The following SYCE1 variants were observed in gnomAD, a reference collection of about 807,000 sequenced individuals.
SYCE1 encodes synaptonemal complex central element protein 1.
A neutral mutation model predicts 55.1 loss-of-function variants in SYCE1; 37 were observed. The ratio of observed to expected loss-of-function variants is 0.67; its 90% confidence interval spans 0.52 to 0.88. The LOEUF (loss-of-function observed/expected upper bound fraction) is 0.88, where lower values mean the gene tolerates loss of function less well. SYCE1 is among the 40% of genes least tolerant of loss of function. The pLI is 0.00. For missense variants in SYCE1, 399 were observed against 416.4 expected, an observed-to-expected ratio of 0.96 and a Z score of 0.36; for synonymous variants, 163 against 159.4, an observed-to-expected ratio of 1.02 and a Z score of -0.17.
Position 133,557,458 on chromosome 10 carries a change from G to A in SYCE1, c.375-302C>T, listed in dbSNP as rs1851713863. On this transcript the variant is annotated intron_variant, in intron 6 of 12. Transcript: ENST00000343131. ...GGGCCTGGGGCCTCTGGTAACAAATGAGCTAAATCAGGAGGTGGAGAAATG... is the reference window on the plus strand; with the variant it reads ...GGGCCTGGGGCCTCTGGTAACAAATAAGCTAAATCAGGAGGTGGAGAAATG... 5 of 499,806 alleles carry A rather than the reference G, an allele frequency of 1.0e-5. No homozygotes were observed. In the East Asian group the frequency reaches 1.8e-4, roughly 18 times the overall value. The allele number at this position is 499,806 out of a possible 1,614,324, so 31.0% of individuals were successfully genotyped here.
chr10:133,554,786 C>T (rs117862014), downstream of SYCE1: 47,928 of 1,471,352 alleles, frequency 0.033, 952 homozygotes, highest in Non-Finnish European at 0.038. Context: ...GGGCCTGCAT[C>T]CCTCTGCCTG....
chr10:133,553,971 T>C (rs1851587335), downstream of SYCE1: 1 of 235,042 alleles, frequency 4.3e-6, no homozygotes, highest in Non-Finnish European at 8.2e-6. Flanking sequence ...AGGCCTTTTA[T>C]TCATTAACTG....
At chr10:133,567,531 C>T (rs985043927), upstream of SYCE1, among the ~76,000 whole-genome samples, 4 of 151,950 alleles carry the variant, frequency 2.6e-5, no homozygotes, top group African/African-American at 7.3e-5. Context: ...CTGTGAGATC[C>T]ACTCTTCTGG....
intron 2 of SYCE1, chr10:133,559,766 GCA>G (rs202223672): frequency 2.7e-6 from 1 of 368,580 alleles, no homozygotes; most frequent in Non-Finnish European, 5.1e-6. Flanking sequence ...AGCCTAGCGA[GCA>G]AAGAGGGAGT....
At chr10:133,568,115 G>T, upstream of SYCE1, 2 of 751,378 alleles carry the variant, frequency 2.7e-6, no homozygotes, top group Non-Finnish European at 4.6e-6. Flanking sequence ...CAGCCCCAGG[G>T]CACTGAGGGC....
chr10:133,556,074 A>G (rs1454711498), intron 8 of SYCE1, 27 bp from the exon 9 acceptor site: 2 of 1,610,142 alleles, frequency 1.2e-6, no homozygotes, highest in East Asian at 2.2e-5. Context: ...AGGCCTGTCC[A>G]CTCCTCTTGG....
chr10:133,566,451 G>C (rs941028097), upstream of SYCE1, among the ~76,000 whole-genome samples: 12 of 152,040 alleles, frequency 7.9e-5, no homozygotes, highest in East Asian at 1.7e-3. Context: ...TAGGGTTTAG[G>C]GGTTAGAAGT....
In SYCE1 at chr10:133,565,526, C is replaced by A. The variant is rs1388343404; in HGVS notation, c.4G>T (p.Ala2Ser). The change falls in exon 1 of 13, where the codon GCG becomes TCG. Residue 2 changes from alanine (A) to serine (S), a missense_variant. Physicochemically the swap from Ala to Ser is moderately conservative, Grantham distance 99. Transcript: ENST00000343131. ...GCCTTCGATGTCAGGGACCTCCCCG[C>A]CATTTCCTCTCAGCTCGCCAGCGAG... M[A>S]GRSLTSKAEP... The A allele has an allele frequency of 4.5e-6, 7 of 1,549,822 alleles. No homozygotes were observed. The East Asian group carries it at 1.2e-4, about 27-fold the overall frequency.
rs1851694370 is a variant in SYCE1, at chr10:133,556,787, C to G, written c.500G>C (p.Gly167Ala). The G allele has an allele frequency of 1.3e-6, 2 of 1,573,538 alleles. No individual in the cohort carries two copies. Among genetic ancestry groups the G allele is most frequent in the Non-Finnish European group, 1.7e-6 (2 of 1,159,400 alleles). ...GAAGTCCCAGAGGTCCTTGTGCTGG[C>G]CCATCAGATCTTCCAGCTGTTCCTC... ...AFEEQLEDLM[G>A]QHKDLWDFHM... The change falls in exon 8 of 13, where the codon GGC becomes GCC. Residue 167 changes from glycine (G) to alanine (A), a missense_variant. Physicochemically the swap from Gly to Ala is moderately conservative, Grantham distance 60. Transcript: ENST00000343131.
intron 1 of SYCE1, chr10:133,560,605 C>T (rs527923303): frequency 6.5e-6 from 1 of 152,794 alleles, no homozygotes; most frequent in Admixed American, 6.5e-5. Context: ...TACAAACAAG[C>T]TTTCCTACAT....
At chr10:133,565,327 A>G (rs1851901225) in intron 1 of SYCE1, 130 bp downstream of exon 1, 2 of 838,910 alleles carry the variant, frequency 2.4e-6, no homozygotes, top group Admixed American at 4.0e-5. Flanking sequence ...ATTTTTCTGA[A>G]GAAACCCGCT....
chr10:133,560,210 G>A, intron 1 of SYCE1, 57 bp from the exon 2 acceptor site: 2 of 1,530,682 alleles, frequency 1.3e-6, no homozygotes, highest in Non-Finnish European at 1.8e-6. Context: ...CCACCCCTGG[G>A]CTGAGACTGA....
chr10:133,557,475 G>A, intron 6 of SYCE1: 1 of 490,934 alleles, frequency 2.0e-6, no homozygotes, highest in Non-Finnish European at 3.6e-6. Context: ...ATCAGGAGGT[G>A]GAGAAATGGA....
At chr10:133,559,414 G>T in intron 2 of SYCE1, 54 bp from the exon 3 acceptor site, 1 of 1,566,970 alleles carries the variant, frequency 6.4e-7, no homozygotes. Flanking sequence ...TGGGGCGGTT[G>T]CCAGCCTTGT....
chr10:133,567,292 G>A (rs1165412586), upstream of SYCE1, among the ~76,000 whole-genome samples: 1 of 151,666 alleles, frequency 6.6e-6, no homozygotes, highest in Non-Finnish European at 1.5e-5. Flanking sequence ...AGGGTTATGG[G>A]TTAGTGTTAG....
upstream of SYCE1, chr10:133,565,655 ATG>A (rs2133635386): frequency 1.2e-6 from 1 of 866,368 alleles, no homozygotes; most frequent in East Asian, 3.1e-5. Flanking sequence ...GCGCCTGGAG[ATG>A]TGAGGTAATT....
At chr10:133,565,875 GC>G (rs1284406022), upstream of SYCE1, among the ~76,000 whole-genome samples, 3 of 152,218 alleles carry the variant, frequency 2.0e-5, no homozygotes, top group Non-Finnish European at 4.4e-5. Context: ...CATGTGTAGC[GC>G]CGAAGCTTCC....
intron 2 of SYCE1, 92 bp downstream of exon 2, chr10:133,559,999 C>T (rs1851783376): frequency 1.9e-6 from 2 of 1,047,508 alleles, no homozygotes; most frequent in Non-Finnish European, 2.9e-6. Flanking sequence ...AGGATTATTT[C>T]CCAAATTCGT....
rs1851672825 is a variant in SYCE1 at position 133,556,003 on chromosome 10, G to A, written c.573C>T (p.Ser191=). ...CACCTTCCTTGAGCAGCTGCTCCTT[G>A]CTGCTGTCCAGGGCACAAATCTCCT... ...LAKEICALDS[S]KEQLLKEEKL... The change falls in exon 9 of 13, where the codon AGC becomes AGT. Residue 191 remains serine (S), a synonymous_variant. Coordinates refer to ENST00000343131, the MANE Select transcript of SYCE1 (RefSeq NM_001143764.3). 2 of 1,614,132 alleles carry A rather than the reference G, an allele frequency of 1.2e-6. No individual in the cohort carries two copies. Among genetic ancestry groups the A allele is most frequent in the South Asian group, 2.2e-5 (2 of 91,082 alleles).
Sources: gnomAD v4.1 joint callset for allele counts (sites outside exome capture counted in the v4.1 genomes callset) on GRCh38, gnomAD v4.1.1 for gene constraint, MANE v1.5 for transcripts, NCBI Gene and HGNC (gene_info 2026-07-23, HGNC 2026-07-21) for gene names.